Variants in ABRAXAS1 observed in about 807,000 individuals in gnomAD.
The protein encoded by ABRAXAS1 is BRCA1-A complex subunit Abraxas 1.
A neutral mutation model predicts 38.4 loss-of-function variants in ABRAXAS1; 26 were observed. The ratio of observed to expected loss-of-function variants is 0.68; its 90% CI spans 0.50 to 0.94. ABRAXAS1 has a LOEUF of 0.94. Among genes scored for constraint, ABRAXAS1 ranks in the 40% least tolerant of loss-of-function variants. The probability of loss-of-function intolerance (pLI) is 0.00; values close to 1 mark genes in which losing one functional copy is unlikely to be tolerated. For synonymous variants in ABRAXAS1, 144 were observed against 165.5 expected (o/e 0.87, Z 1.00); for missense variants, 438 against 481.9 (o/e 0.91, Z 0.85).
rs1022505540 is a variant in ABRAXAS1, at chr4:83,462,402, A to G, written c.*67T>C. ...TACTGCAAGTAGCTCAACATAGTAA[A>G]AACAATAGAAATGTTTGGCTTTACC... On this transcript the variant is annotated 3_prime_UTR_variant, in exon 9 of 9. Coordinates refer to ENST00000321945, the MANE Select transcript of ABRAXAS1 (RefSeq NM_139076.3). The G allele has an allele frequency of 7.1e-7, 1 of 1,404,038 alleles. No individual in the cohort carries two copies. The highest frequency in any genetic ancestry group is 9.7e-7 in the Non-Finnish European group (1 of 1,029,256). The allele number at this position is 1,404,038 out of a possible 1,614,324, so 87.0% of individuals were successfully genotyped here. A position where few individuals can be genotyped will look rare whatever the true frequency, so the allele number is the denominator to read the frequency against.
chr4:83,470,793 G>C (rs1722552457), intron 4 of ABRAXAS1, among the ~76,000 whole-genome samples: 1 of 152,046 alleles, frequency 6.6e-6, no homozygotes. Flanking sequence ...ATGGACACTT[G>C]GTTTGTTAAA....
intron 7 of ABRAXAS1, 54 bp from the exon 8 acceptor site, chr4:83,463,662 T>C (rs976166853): frequency 1.0e-6 from 1 of 973,932 alleles, no homozygotes; most frequent in Non-Finnish European, 1.6e-6. Context: ...TGTGTACTAA[T>C]ACAGTCTAGA....
chr4:83,469,245 A>T (rs186597871), intron 5 of ABRAXAS1, 94 bp from the exon 6 acceptor site: 8 of 1,057,810 alleles, frequency 7.6e-6, no homozygotes, highest in Non-Finnish European at 1.1e-5. Context: ...TACAAGATTT[A>T]AAAAAATACA....
Position 83,469,062 on chromosome 4 carries a change from GT to G in ABRAXAS1, c.565del (p.Thr189LeufsTer21), listed in dbSNP as rs764268323. ...YKTVSGSCMS[T>X]GFSRAVQTHS... is the part of the protein sequence containing the mutation. ...TGTTTGTACTGCTCGGCTAAAACCAGTGGACATACAGGAACCTGATACAGTT... is the reference window on the plus strand; with the variant it reads ...TGTTTGTACTGCTCGGCTAAAACCAGGGACATACAGGAACCTGATACAGTT... On this transcript the variant is annotated frameshift_variant, in exon 6 of 9. Coordinates refer to ENST00000321945, the MANE Select transcript of ABRAXAS1 (RefSeq NM_139076.3). LOFTEE classifies it high-confidence loss of function. The G allele has an allele frequency of 6.2e-7, 1 of 1,613,498 alleles. No homozygotes were observed. The highest frequency in any genetic ancestry group is 1.3e-5 in the African/African-American group (1 of 75,022).
chr4:83,467,351 T>C (rs1722404864), intron 7 of ABRAXAS1, 103 bp downstream of exon 7: 2 of 731,398 alleles, frequency 2.7e-6, no homozygotes, highest in Non-Finnish European at 4.8e-6. Flanking sequence ...CTCATAACTG[T>C]ATAAATCTAA....
At position 83,470,257 on chromosome 4, in the gene ABRAXAS1, G is replaced by A. The variant is rs150207999; in HGVS notation, c.422C>T (p.Thr141Ile). The A allele has an allele frequency of 6.8e-3, 10,957 of 1,613,660 alleles. 46 individuals carry two copies. Among genetic ancestry groups the A allele is most frequent in the Non-Finnish European group, 8.4e-3 (9,857 of 1,179,704 alleles). ...CAGTCGATGAGTAGAGCAGCTTTCTGTTATTATACTTGGTGTTAATAGCAG... is the reference window on the plus strand; with the variant it reads ...CAGTCGATGAGTAGAGCAGCTTTCTATTATTATACTTGGTGTTAATAGCAG... ...VFLLLTPSII[T>I]ESCSTHRLEH... is the part of the protein sequence containing the mutation. The change falls in exon 5 of 9, where the codon ACA (threonine) becomes ATA (isoleucine). Residue 141 changes from threonine to isoleucine, a missense_variant. Thr to Ile is a moderately conservative substitution (Grantham distance 89). Transcript: ENST00000321945.
intron 3 of ABRAXAS1, among the ~76,000 whole-genome samples, chr4:83,474,520 T>C (rs1277575326): frequency 6.6e-6 from 1 of 152,076 alleles, no homozygotes; most frequent in African/African-American, 2.4e-5. Context: ...AAGACCATCC[T>C]GGCCAACATG....
Position 83,461,118 on chromosome 4 carries a change from C to A in ABRAXAS1, c.*1351G>T. 6.2e-7 allele frequency: 1 copy of A among 1,613,602 alleles called. No homozygotes were observed. The highest frequency in any genetic ancestry group is 8.5e-7 in the Non-Finnish European group (1 of 1,179,722). On this transcript the variant is annotated 3_prime_UTR_variant, in exon 9 of 9. Coordinates refer to ENST00000321945, the MANE Select transcript of ABRAXAS1 (RefSeq NM_139076.3). ...GTCAAGAACTTTAATTATCTCTTTACAGGGTTTATGCCAGTTACATACAAG... is the reference window on the plus strand; with the variant it reads ...GTCAAGAACTTTAATTATCTCTTTAAAGGGTTTATGCCAGTTACATACAAG...
chr4:83,461,480 T>C lies in ABRAXAS1; in HGVS notation c.*989A>G. On this transcript the variant is annotated 3_prime_UTR_variant, in exon 9 of 9. Coordinates refer to ENST00000321945, the MANE Select transcript of ABRAXAS1 (RefSeq NM_139076.3). ...CCATTCAATAGAATGGAATTAAAAC[T>C]GTTCAGAATGATTTTCCAACTAGCA... is the stretch of plus-strand genomic sequence containing the variant. 1 of 354,316 alleles carries C rather than the reference T, an allele frequency of 2.8e-6. No individual in the cohort carries two copies. The highest frequency in any genetic ancestry group is 5.3e-6 in the Non-Finnish European group (1 of 189,718). 21.9% of individuals were successfully genotyped at this position (354,316 alleles called of 1,614,324 possible).
chr4:83,459,629 C>A lies in ABRAXAS1; in HGVS notation c.*2840G>T. 2 of 900,732 alleles carry A rather than the reference C, an allele frequency of 2.2e-6. No homozygotes were observed. The highest frequency in any genetic ancestry group is 1.7e-6 in the Non-Finnish European group (1 of 581,540). The allele number at this position is 900,732 out of a possible 1,614,324, so 55.8% of individuals were successfully genotyped here. A position where few individuals can be genotyped will look rare whatever the true frequency, so the allele number is the denominator to read the frequency against. ...TTTTCTTATATTTTATGAAATGTGT[C>A]TGAAATTTAGTAAAGCTTTATATAA... On this transcript the variant is annotated 3_prime_UTR_variant, in exon 9 of 9. Transcript: ENST00000321945.
chr4:83,475,788 G>T (rs998457775), intron 3 of ABRAXAS1, among the ~76,000 whole-genome samples: 1 of 152,050 alleles, frequency 6.6e-6, no homozygotes. Flanking sequence ...ACTTTTCTAC[G>T]TGTATGTTAT....
chr4:83,467,180 G>A (rs1393128858), intron 7 of ABRAXAS1: 1 of 316,630 alleles, frequency 3.2e-6, no homozygotes, highest in South Asian at 3.8e-5. Context: ...GATCAAATAG[G>A]GGAAATGACT....
intron 1 of ABRAXAS1, chr4:83,484,082 G>T: frequency 1.1e-6 from 1 of 947,750 alleles, no homozygotes; most frequent in Non-Finnish European, 1.3e-6. Flanking sequence ...TGTCCCCGAT[G>T]GTCTCGAACT....
rs574392067 is a variant in ABRAXAS1 at position 83,469,490 on chromosome 4, A to T, written c.477-339T>A. ...CATCACCACACCCGACTAATTTTTA[A>T]GTTTTTTGTAGAGATGAGGTCTCCT... On this transcript the variant is annotated intron_variant, in intron 5 of 8. Coordinates refer to ENST00000321945, the MANE Select transcript of ABRAXAS1 (RefSeq NM_139076.3). The T allele has an allele frequency of 2.6e-5, 6 of 227,740 alleles. No individual in the cohort carries two copies. In the Middle Eastern group the frequency reaches 5.2e-3, roughly 199 times the overall value. The allele number at this position is 227,740 out of a possible 1,614,324, so 14.1% of individuals were successfully genotyped here. A position where few individuals can be genotyped will look rare whatever the true frequency, so the allele number is the denominator to read the frequency against.
Position 83,461,366 on chromosome 4 carries a change from AACAC to A in ABRAXAS1, c.*1099_*1102del. ...AAGCAGATTGCTTATTTAAAATGTT[AACAC>A]TCATCACATTTTATCTATGTTGAAT... is the stretch of plus-strand genomic sequence containing the variant. On this transcript the variant is annotated 3_prime_UTR_variant, in exon 9 of 9. Transcript: ENST00000321945. 1 of 589,394 alleles carries A rather than the reference AACAC, an allele frequency of 1.7e-6. No homozygotes were observed. Among genetic ancestry groups the A allele is most frequent in the Non-Finnish European group, 3.0e-6 (1 of 329,908 alleles). The allele number at this position is 589,394 out of a possible 1,614,324, so 36.5% of individuals were successfully genotyped here. A position where few individuals can be genotyped will look rare whatever the true frequency, so the allele number is the denominator to read the frequency against.
intron 7 of ABRAXAS1, among the ~76,000 whole-genome samples, chr4:83,464,868 C>G (rs1388236692): frequency 6.6e-6 from 1 of 152,230 alleles, no homozygotes; most frequent in Non-Finnish European, 1.5e-5. Flanking sequence ...CTATGGCATT[C>G]TAGCTCCTGG....
Position 83,463,843 on chromosome 4 carries a change from T to C in ABRAXAS1, c.682-235A>G, listed in dbSNP as rs112149476. 5.3e-4 allele frequency: 149 copies of C among 281,658 alleles called. 1 individual carries two copies. Among genetic ancestry groups the C allele is most frequent in the African/African-American group, 3.1e-3 (143 of 46,136 alleles). The allele number at this position is 281,658 out of a possible 1,614,324, so 17.4% of individuals were successfully genotyped here. On this transcript the variant is annotated intron_variant, in intron 7 of 8. Transcript: ENST00000321945. Reference sequence around the variant, plus strand: ...ACATGTAACTTCTCATTTATACAGCTTTTATCATGCCAGTTAGTTCGCTGA... The same window carrying C: ...ACATGTAACTTCTCATTTATACAGCCTTTATCATGCCAGTTAGTTCGCTGA...
chr4:83,473,451 A>G (rs1036065935), intron 3 of ABRAXAS1, among the ~76,000 whole-genome samples: 2 of 152,178 alleles, frequency 1.3e-5, no homozygotes, highest in South Asian at 2.1e-4. Context: ...ATAACTGCAC[A>G]TCATCTCTGG....
intron 6 of ABRAXAS1, among the ~76,000 whole-genome samples, chr4:83,468,360 C>G (rs1022393126): frequency 6.8e-6 from 1 of 147,618 alleles, no homozygotes; most frequent in African/African-American, 2.5e-5. Context: ...CAATGAAATA[C>G]GGTATTCAGT....
Sources: gnomAD v4.1 joint callset for allele counts (sites outside exome capture counted in the v4.1 genomes callset) on GRCh38, gnomAD v4.1.1 for gene constraint, MANE v1.5 for transcripts, NCBI Gene and HGNC (gene_info 2026-07-23, HGNC 2026-07-21) for gene names.